Variants in SPOP observed in about 807,000 individuals in gnomAD.
SPOP encodes the protein speckle-type POZ protein.
SPOP carries 11 observed loss-of-function variants against 45.6 expected under a neutral mutation model. The observed-to-expected ratio is 0.24, with a 90% CI of 0.15 to 0.40. The LOEUF (loss-of-function observed/expected upper bound fraction) is 0.40, where lower values mean the gene tolerates loss of function less well. SPOP is among the 10% of genes least tolerant of loss of function. The probability of loss-of-function intolerance (pLI) is 1.00; values close to 1 mark genes in which losing one functional copy is unlikely to be tolerated. For missense variants in SPOP, 152 were observed against 465.6 expected (o/e 0.33, Z 6.20); for synonymous variants, 166 against 166.3 (o/e 1.00, Z 0.01).
intron 1 of SPOP, among the ~76,000 whole-genome samples, chr17:49,626,234 T>A (rs976725866): frequency 1.3e-5 from 2 of 152,220 alleles, no homozygotes; most frequent in Admixed American, 6.5e-5. Flanking sequence ...CTGCTTTAGA[T>A]GCTATATTTT....
At chr17:49,661,110 G>A (rs2072981725) in intron 1 of SPOP, among the ~76,000 whole-genome samples, 1 of 152,018 alleles carries the variant, frequency 6.6e-6, no homozygotes, top group South Asian at 2.1e-4. Flanking sequence ...TACAAACTTT[G>A]CCTCACTTAT....
At position 49,619,956 on chromosome 17, in the gene SPOP, C is replaced by T. The variant is rs558769467; in HGVS notation, c.201-571G>A. ...GGCGCATCACTTGAGGTCAGGACTT[C>T]GAGGCCAGCCTGGCCAACGTGGTGA... is the stretch of plus-strand genomic sequence containing the variant. On this transcript the variant is annotated intron_variant, in intron 3 of 9. Transcript: ENST00000504102. This position sits in a 1 kb window ranked among gnomAD's most constrained non-coding sequence, Gnocchi z 4.9. Among the ~76,000 whole-genome samples, 6 of 150,910 alleles carry T rather than the reference C, an allele frequency of 4.0e-5. No homozygotes were observed. The highest frequency in any genetic ancestry group is 2.1e-4 in the South Asian group (1 of 4,768).
intron 1 of SPOP, chr17:49,668,058 T>C (rs2073085887): frequency 6.6e-6 from 1 of 151,932 alleles, no homozygotes; most frequent in African/African-American, 2.4e-5. Context: ...AGACAGAAAG[T>C]AGAAGGGTGG....
chr17:49,636,644 G>T (rs534284217), intron 1 of SPOP: 4 of 152,106 alleles, frequency 2.6e-5, no homozygotes, highest in Non-Finnish European at 5.9e-5. Flanking sequence ...TGAAACAGTA[G>T]ATTGTACTCA....
chr17:49,634,558 TAA>T (rs2072510278), intron 1 of SPOP, among the ~76,000 whole-genome samples: 2 of 152,196 alleles, frequency 1.3e-5, no homozygotes, highest in Non-Finnish European at 2.9e-5. Flanking sequence ...TTATAAAATC[TAA>T]ACAGTAAACA....
At chr17:49,628,636 T>A (rs1233264595) in intron 1 of SPOP, among the ~76,000 whole-genome samples, 5 of 152,186 alleles carry the variant, frequency 3.3e-5, no homozygotes, top group Non-Finnish European at 7.3e-5. Flanking sequence ...CACTTTGGAT[T>A]TCAGATTAGG....
rs1156781114 is a variant in SPOP at position 49,647,313 on chromosome 17, T to TAAAAA, written c.-66-24442_-66-24438dup. Among the ~76,000 whole-genome samples the TAAAAA allele has an allele frequency of 2.5e-4, 11 of 43,154 alleles. 1 individual carries two copies. The East Asian group carries it at 3.5e-3, about 14-fold the overall frequency. 28.3% of individuals were successfully genotyped at this position (43,154 alleles called of 152,430 possible). On this transcript the variant is annotated intron_variant, in intron 1 of 9. Coordinates refer to ENST00000504102, the MANE Select transcript of SPOP (RefSeq NM_001007228.2). ...CTACAGAGTGAGTGAGATGCCGTCTTAAAAAAAAAAAAAAAAAAAAAAAAA... is the reference window on the plus strand; with the variant it reads ...CTACAGAGTGAGTGAGATGCCGTCTTAAAAAAAAAAAAAAAAAAAAAAAAAAAAAA...
chr17:49,607,201 G>C, intron 8 of SPOP, 49 bp downstream of exon 8: 1 of 1,611,468 alleles, frequency 6.2e-7, no homozygotes, highest in Non-Finnish European at 8.5e-7. Context: ...TGAAACACAA[G>C]AAGTCACAAT....
chr17:49,642,269 A>AT (rs1474869047), intron 1 of SPOP, among the ~76,000 whole-genome samples: 1 of 152,092 alleles, frequency 6.6e-6, no homozygotes, highest in Non-Finnish European at 1.5e-5. Context: ...CATGCAAAAA[A>AT]ATATATAATT....
intron 1 of SPOP, among the ~76,000 whole-genome samples, chr17:49,652,592 C>T (rs2072857310): frequency 6.6e-6 from 1 of 152,182 alleles, no homozygotes; most frequent in South Asian, 2.1e-4. Context: ...AGACAATTTC[C>T]TACCATCTCT....
At chr17:49,611,228 GT>G in intron 6 of SPOP, 51 bp downstream of exon 6, 1 of 1,578,644 alleles carries the variant, frequency 6.3e-7, no homozygotes, top group Non-Finnish European at 8.6e-7. Flanking sequence ...GCAATCACTT[GT>G]TTTTCCTTAT....
At position 49,665,569 on chromosome 17, in the gene SPOP, C is replaced by T. The variant is rs533025874; in HGVS notation, c.-67+12364G>A. 2.7e-5 allele frequency among the ~76,000 whole-genome samples: 4 copies of T among 149,590 alleles called. No individual in the cohort carries two copies. The East Asian group carries it at 7.9e-4, about 30-fold the overall frequency. On this transcript the variant is annotated intron_variant, in intron 1 of 9. Coordinates refer to ENST00000504102, the MANE Select transcript of SPOP (RefSeq NM_001007228.2). ...GGCGGAGCTTGCAGTGAGCCGAGATCGCACCACTGTACTCCAGCCTGGTGA... is the reference window on the plus strand; with the variant it reads ...GGCGGAGCTTGCAGTGAGCCGAGATTGCACCACTGTACTCCAGCCTGGTGA...
chr17:49,665,584 C>CAGG (rs377367920), intron 1 of SPOP, among the ~76,000 whole-genome samples: 14 of 147,972 alleles, frequency 9.5e-5, no homozygotes, highest in African/African-American at 3.2e-4. Flanking sequence ...CACTGTACTC[C>CAGG]AGCCTGGTGA....
At chr17:49,661,105 A>C (rs1597978130) in intron 1 of SPOP, among the ~76,000 whole-genome samples, 1 of 152,312 alleles carries the variant, frequency 6.6e-6, no homozygotes, top group Middle Eastern at 3.4e-3. Context: ...CATTATACAA[A>C]CTTTGCCTCA....
At chr17:49,658,224 A>G (rs972197484) in intron 1 of SPOP, among the ~76,000 whole-genome samples, 1 of 152,208 alleles carries the variant, frequency 6.6e-6, no homozygotes, top group Non-Finnish European at 1.5e-5. Context: ...ATGCACATAC[A>G]CATTTAGAGA....
intron 1 of SPOP, among the ~76,000 whole-genome samples, chr17:49,626,892 C>T (rs2072342184): frequency 1.3e-5 from 2 of 152,056 alleles, no homozygotes; most frequent in South Asian, 4.2e-4. Context: ...TTCTCTGTCG[C>T]CCAGGCTGGA....
intron 8 of SPOP, among the ~76,000 whole-genome samples, chr17:49,605,547 G>A (rs1663279809): frequency 6.6e-6 from 1 of 150,724 alleles, no homozygotes; most frequent in African/African-American, 2.4e-5. Flanking sequence ...ACAATTAGCT[G>A]GGTGTGGTGG....
At chr17:49,615,509 T>C (rs1366122436) in intron 5 of SPOP, among the ~76,000 whole-genome samples, 1 of 152,114 alleles carries the variant, frequency 6.6e-6, no homozygotes, top group African/African-American at 2.4e-5. Context: ...TATTTATTTA[T>C]TTATTTTTTA....
rs910219777 is a variant in SPOP, at chr17:49,619,095, T to C, written c.366A>G (p.Ala122=). Residue 122 remains alanine (A), a synonymous_variant, in exon 5 of 10, where the codon GCA becomes GCG. Transcript: ENST00000504102. The surrounding 1 kb of genome is among the most constrained non-coding windows in gnomAD (Gnocchi z 4.9). ...AGTCTTTGCCTTGCACAAACCTATATGCCCGTTGACTCTCTGGGGTGGGGA... is the reference window on the plus strand; with the variant it reads ...AGTCTTTGCCTTGCACAAACCTATACGCCCGTTGACTCTCTGGGGTGGGGA... The part of the protein sequence containing the change: ...EETKAMESQR[A]YRFVQGKDWG... 59 of 1,613,920 alleles carry C rather than the reference T, an allele frequency of 3.7e-5. No individual in the cohort carries two copies. Among genetic ancestry groups the C allele is most frequent in the Non-Finnish European group, 4.5e-5 (53 of 1,179,996 alleles).
Sources: allele counts gnomAD v4.1 joint callset (sites outside exome capture counted in the v4.1 genomes callset), GRCh38; gene constraint gnomAD v4.1.1; non-coding constraint Gnocchi (gnomAD v3.1); transcripts MANE v1.5; gene names NCBI Gene and HGNC (gene_info 2026-07-23, HGNC 2026-07-21).